The following GRIK3 variants were observed in gnomAD, a reference collection of about 807,000 sequenced individuals.
GRIK3 encodes glutamate receptor ionotropic, kainate 3.
In GRIK3, 29 loss-of-function variants were observed where a neutral mutation model predicts 102.5. The observed-to-expected ratio is 0.28, with a 90% confidence interval of 0.21 to 0.39. The LOEUF is 0.39. GRIK3 is among the 10% of genes least tolerant of loss of function. GRIK3 has a pLI of 1.00. For missense variants in GRIK3, 908 were observed against 1,252.4 expected, an observed-to-expected ratio of 0.73 and a Z score of 4.15; for synonymous variants, 511 against 504.9, an observed-to-expected ratio of 1.01 and a Z score of -0.16.
At chr1:36,912,744 C>T (rs982313309) in intron 1 of GRIK3, among the ~76,000 whole-genome samples, 5 of 152,108 alleles carry the variant, frequency 3.3e-5, no homozygotes, top group African/African-American at 7.2e-5. Context: ...GGTGAGGACA[C>T]GCCTTTGTCA....
At chr1:36,928,922 C>A (rs574338929) in intron 1 of GRIK3, among the ~76,000 whole-genome samples, 1 of 152,148 alleles carries the variant, frequency 6.6e-6, no homozygotes, top group Non-Finnish European at 1.5e-5. Flanking sequence ...GAGATAGCAC[C>A]TGTGCTGAAC....
At chr1:36,950,230 C>A (rs1409509809) in intron 1 of GRIK3, among the ~76,000 whole-genome samples, 1 of 152,208 alleles carries the variant, frequency 6.6e-6, no homozygotes, top group Non-Finnish European at 1.5e-5. Context: ...GATAGCACAG[C>A]TGAGACACGA....
intron 1 of GRIK3, among the ~76,000 whole-genome samples, chr1:37,012,563 G>C (rs956336900): frequency 6.6e-6 from 1 of 152,230 alleles, no homozygotes; most frequent in Admixed American, 6.5e-5. Flanking sequence ...GTGGAAGGGA[G>C]TTTTACATTT....
intron 11 of GRIK3, among the ~76,000 whole-genome samples, chr1:36,824,689 T>G (rs941815228): frequency 6.6e-6 from 1 of 151,932 alleles, no homozygotes; most frequent in African/African-American, 2.4e-5. Context: ...GATCAGGGGC[T>G]GGGGCTGGAG....
intron 1 of GRIK3, among the ~76,000 whole-genome samples, chr1:36,973,814 T>TG (rs1642168729): frequency 6.6e-6 from 1 of 152,198 alleles, no homozygotes; most frequent in African/African-American, 2.4e-5. Context: ...GAGACGTTTA[T>TG]GATGCTGCGT....
At chr1:37,012,058 AC>A (rs1279356118) in intron 1 of GRIK3, among the ~76,000 whole-genome samples, 4 of 152,220 alleles carry the variant, frequency 2.6e-5, no homozygotes, top group African/African-American at 9.6e-5. Context: ...CGAGGCAGCA[AC>A]ACCTGGGAGT....
At chr1:36,837,155 G>C (rs903019198) in intron 10 of GRIK3, among the ~76,000 whole-genome samples, 1 of 152,008 alleles carries the variant, frequency 6.6e-6, no homozygotes, top group Non-Finnish European at 1.5e-5. Flanking sequence ...CTGAGCAGCT[G>C]TCGTCTCCAC....
Position 36,919,106 on chromosome 1 carries a change from C to T in GRIK3, c.116-28010G>A, listed in dbSNP as rs79712531. Among the ~76,000 whole-genome samples, 506 of 152,250 alleles carry T rather than the reference C, an allele frequency of 3.3e-3. 1 individual carries two copies. The highest frequency in any genetic ancestry group is 6.8e-3 in the Middle Eastern group (2 of 294). On this transcript the variant is annotated intron_variant, in intron 1 of 15. Transcript: ENST00000373091. ...TTTCCCAAGGGAGGTTCAATGCAGC[C>T]AATGTCCACTGGTGCCTTCTCAGTG...
At chr1:36,858,817 C>A (rs369591917) in intron 7 of GRIK3, among the ~76,000 whole-genome samples, 7 of 152,326 alleles carry the variant, frequency 4.6e-5, no homozygotes, top group East Asian at 1.9e-4. Context: ...AGCGAGGAAG[C>A]AAACACCCTC....
At chr1:36,881,593 C>G (rs986294508) in intron 2 of GRIK3, among the ~76,000 whole-genome samples, 6 of 152,194 alleles carry the variant, frequency 3.9e-5, no homozygotes, top group African/African-American at 9.7e-5. Context: ...CCGCCACTCC[C>G]AGCCCCGACT....
At chr1:37,028,574 T>C (rs1284662952) in intron 1 of GRIK3, among the ~76,000 whole-genome samples, 1 of 152,186 alleles carries the variant, frequency 6.6e-6, no homozygotes, top group Non-Finnish European at 1.5e-5. Flanking sequence ...AGAGCCCAGA[T>C]GGCCATCCTC....
intron 13 of GRIK3, among the ~76,000 whole-genome samples, chr1:36,807,771 A>G (rs1345349729): frequency 1.3e-5 from 2 of 152,158 alleles, no homozygotes; most frequent in Admixed American, 1.3e-4. Context: ...ACATCTGAGC[A>G]CCATATCAGT....
At chr1:36,970,900 T>C (rs374431376) in intron 1 of GRIK3, among the ~76,000 whole-genome samples, 1 of 152,242 alleles carries the variant, frequency 6.6e-6, no homozygotes, top group Non-Finnish European at 1.5e-5. Context: ...CTATATTTTA[T>C]TCCAAGACAG....
chr1:36,971,199 G>T (rs1232676384), intron 1 of GRIK3, among the ~76,000 whole-genome samples: 1 of 152,178 alleles, frequency 6.6e-6, no homozygotes, highest in Non-Finnish European at 1.5e-5. Flanking sequence ...ACATAGAGAT[G>T]GGCAAGTGTC....
chr1:36,914,161 G>A (rs533150610), intron 1 of GRIK3, among the ~76,000 whole-genome samples: 41 of 152,232 alleles, frequency 2.7e-4, no homozygotes, highest in Non-Finnish European at 4.4e-4. Flanking sequence ...TCTCCCTCCC[G>A]CTTGGGAAGA....
At chr1:36,804,579 A>T (rs1642476670) in intron 15 of GRIK3, 2 of 306,456 alleles carry the variant, frequency 6.5e-6, no homozygotes, top group Non-Finnish European at 1.2e-5. Flanking sequence ...GGTAGAGAGA[A>T]CAGTATAATG....
At chr1:36,939,232 G>A (rs558207130) in intron 1 of GRIK3, among the ~76,000 whole-genome samples, 1 of 152,228 alleles carries the variant, frequency 6.6e-6, no homozygotes, top group Non-Finnish European at 1.5e-5. Context: ...GGGGCGGAGA[G>A]GTGCAGCCCC....
At chr1:36,998,905 C>A (rs889627577) in intron 1 of GRIK3, among the ~76,000 whole-genome samples, 2 of 152,124 alleles carry the variant, frequency 1.3e-5, no homozygotes, top group African/African-American at 4.8e-5. Flanking sequence ...GATTGAATGT[C>A]CATCTAGCAG....
chr1:36,978,252 G>A (rs1261922956), intron 1 of GRIK3, among the ~76,000 whole-genome samples: 2 of 152,252 alleles, frequency 1.3e-5, no homozygotes, highest in Non-Finnish European at 2.9e-5. Flanking sequence ...CAAATTCTCT[G>A]TAAGTGGCAG....
Sources: allele counts gnomAD v4.1 joint callset (sites outside exome capture counted in the v4.1 genomes callset), GRCh38; gene constraint gnomAD v4.1.1; transcripts MANE v1.5; gene names NCBI Gene and HGNC (gene_info 2026-07-23, HGNC 2026-07-21).